Variants in RBFOX1 observed in about 807,000 individuals in gnomAD.
The protein encoded by RBFOX1 is RNA binding fox-1 homolog 1.
Under a neutral mutation model 57.7 loss-of-function variants are expected in RBFOX1, and 8 were observed. The ratio of observed to expected loss-of-function variants is 0.14; its 90% confidence interval spans 0.08 to 0.25. The LOEUF is 0.25. Among genes scored for constraint, RBFOX1 ranks in the 10% least tolerant of loss-of-function variants. The pLI is 1.00. For missense variants in RBFOX1, 611 were observed against 548.5 expected, an observed-to-expected ratio of 1.11 and a Z score of -1.14; for synonymous variants, 326 against 222.4, an observed-to-expected ratio of 1.47 and a Z score of -4.15.
chr16:5,572,835 A>G (rs1232178927), intron 2 of RBFOX1, among the ~76,000 whole-genome samples: 1 of 152,184 alleles, frequency 6.6e-6, no homozygotes, highest in East Asian at 1.9e-4. Flanking sequence ...GCAGTGGACT[A>G]TGTAGGAATA....
At chr16:7,670,374 C>T (rs1157904792) in intron 13 of RBFOX1, among the ~76,000 whole-genome samples, 2 of 152,086 alleles carry the variant, frequency 1.3e-5, no homozygotes, top group African/African-American at 4.8e-5. Context: ...AATAATTTGT[C>T]CAAAAATCTT....
intron 4 of RBFOX1, among the ~76,000 whole-genome samples, chr16:7,489,088 G>T (rs554755190): frequency 6.6e-6 from 1 of 152,184 alleles, no homozygotes; most frequent in South Asian, 2.1e-4. Flanking sequence ...CCATGTCTGT[G>T]TCTGGCTTTG....
intron 12 of RBFOX1, among the ~76,000 whole-genome samples, chr16:7,658,088 A>C (rs1383243860): frequency 6.6e-6 from 1 of 152,172 alleles, no homozygotes; most frequent in African/African-American, 2.4e-5. Flanking sequence ...AAATCCATGT[A>C]AGGTGACAAC....
chr16:6,190,255 A>G (rs2097133306), intron 1 of RBFOX1, among the ~76,000 whole-genome samples: 1 of 152,232 alleles, frequency 6.6e-6, no homozygotes, highest in Non-Finnish European at 1.5e-5. Context: ...TTTTGGCTTC[A>G]TGTCTTGTTT....
In RBFOX1 at chr16:5,955,157, C is replaced by T. The variant is rs549961664; in HGVS notation, c.351+87822C>T. Among the ~76,000 whole-genome samples the T allele has an allele frequency of 1.7e-3, 124 of 74,646 alleles. 1 individual carries two copies. Among genetic ancestry groups the T allele is most frequent in the Non-Finnish European group, 2.7e-3 (106 of 38,846 alleles). 49.0% of individuals were successfully genotyped at this position (74,646 alleles called of 152,430 possible). ...AAAAAAAAAAAAAAGCCAGGCGCAC[C>T]TGTAGTCCCAGCTTCTCAGGAGGCT... On this transcript the variant is annotated intron_variant, in intron 4 of 19. Coordinates refer to the RBFOX1 transcript ENST00000641259.
chr16:7,447,430 C>CAAAAAAAAAAAAAAAAAAAA (rs202234230), intron 4 of RBFOX1, among the ~76,000 whole-genome samples: 2 of 98,518 alleles, frequency 2.0e-5, no homozygotes, highest in African/African-American at 7.7e-5. Flanking sequence ...GAGTCTATCT[C>CAAAAAAAAAAAAAAAAAAAA]AAAAAAAAAA....
At chr16:5,635,699 C>T (rs1288045880) in intron 3 of RBFOX1, among the ~76,000 whole-genome samples, 1 of 152,210 alleles carries the variant, frequency 6.6e-6, no homozygotes, top group Admixed American at 6.5e-5. Context: ...GGCTAAATTA[C>T]ATATCCTGGG....
chr16:6,634,265 T>A (rs1014170906), intron 2 of RBFOX1, among the ~76,000 whole-genome samples: 3 of 152,102 alleles, frequency 2.0e-5, no homozygotes, highest in Admixed American at 1.3e-4. Flanking sequence ...AGAAAATGAT[T>A]AGTGCAACAG....
chr16:7,672,885 A>AAAAAAAAAAAAAAAT (rs1435317715), intron 13 of RBFOX1, among the ~76,000 whole-genome samples: 1 of 150,084 alleles, frequency 6.7e-6, no homozygotes, highest in Non-Finnish European at 1.5e-5. Flanking sequence ...AAAAAAAAAA[A>AAAAAAAAAAAAAAAT]AAAGAACATA....
At chr16:5,468,544 C>T (rs1031409282) in intron 2 of RBFOX1, among the ~76,000 whole-genome samples, 10 of 152,212 alleles carry the variant, frequency 6.6e-5, no homozygotes, top group African/African-American at 1.9e-4. Context: ...AGCAATTTCA[C>T]TCCTACATAT....
chr16:6,255,139 G>A (rs925169391), intron 1 of RBFOX1, among the ~76,000 whole-genome samples: 5 of 152,026 alleles, frequency 3.3e-5, no homozygotes, highest in African/African-American at 1.2e-4. Context: ...GAAAGTCTGT[G>A]GATTAGAAGG....
intron 4 of RBFOX1, among the ~76,000 whole-genome samples, chr16:7,339,097 T>C (rs192778569): frequency 6.6e-6 from 1 of 152,266 alleles, no homozygotes; most frequent in African/African-American, 2.4e-5. Context: ...CAGGTCCAGG[T>C]TGATATATAG....
chr16:7,021,900 C>CTTTCTTTCTTTCT (rs1213797922), intron 3 of RBFOX1, among the ~76,000 whole-genome samples: 1 of 137,160 alleles, frequency 7.3e-6, no homozygotes, highest in African/African-American at 2.6e-5. Context: ...TCTTTCTTTT[C>CTTTCTTTCTTTCT]TTTCTTTCTT....
chr16:7,194,909 C>G (rs1249370781), intron 4 of RBFOX1, among the ~76,000 whole-genome samples: 2 of 108,852 alleles, frequency 1.8e-5, no homozygotes, highest in Non-Finnish European at 3.5e-5. Flanking sequence ...GCTTGGGCTA[C>G]AAAATGAGAC....
intron 3 of RBFOX1, among the ~76,000 whole-genome samples, chr16:5,765,489 C>A (rs546909542): frequency 6.6e-6 from 1 of 152,134 alleles, no homozygotes; most frequent in Admixed American, 6.5e-5. Flanking sequence ...CCATGAGAGG[C>A]GTAAAGACAT....
At chr16:6,018,437 G>T (rs1416728209), upstream of RBFOX1, among the ~76,000 whole-genome samples, 1 of 152,178 alleles carries the variant, frequency 6.6e-6, no homozygotes, top group Non-Finnish European at 1.5e-5. Flanking sequence ...GTGTATTAAG[G>T]CGTCATGGGG....
chr16:7,608,165 T>C (rs1187160046), intron 10 of RBFOX1, among the ~76,000 whole-genome samples: 2 of 152,168 alleles, frequency 1.3e-5, no homozygotes, highest in Non-Finnish European at 2.9e-5. Context: ...TAAGGAGAAA[T>C]AAATAATCCG....
At chr16:7,000,556 CATAAT>C (rs1302959159) in intron 3 of RBFOX1, among the ~76,000 whole-genome samples, 1 of 147,702 alleles carries the variant, frequency 6.8e-6, no homozygotes, top group Non-Finnish European at 1.5e-5. Flanking sequence ...GGCAAAAACA[CATAAT>C]AAGTTTTCTT....
chr16:5,537,713 T>G (rs1464992663), intron 2 of RBFOX1, among the ~76,000 whole-genome samples: 1 of 152,218 alleles, frequency 6.6e-6, no homozygotes, highest in African/African-American at 2.4e-5. Context: ...CCTTCTCATT[T>G]TTCATTTCTT....
Sources: gnomAD v4.1 joint callset for allele counts (sites outside exome capture counted in the v4.1 genomes callset) on GRCh38, gnomAD v4.1.1 for gene constraint, MANE v1.5 for transcripts, NCBI Gene and HGNC (gene_info 2026-07-23, HGNC 2026-07-21) for gene names.